The following MAP3K13 variants were observed in gnomAD, a reference collection of about 807,000 sequenced individuals.
The protein encoded by MAP3K13 is leucine zipper-bearing kinase.
Under a neutral mutation model 104.0 loss-of-function variants are expected in MAP3K13, and 52 were observed. The observed-to-expected ratio is 0.50, with a 90% CI of 0.40 to 0.63. The LOEUF is 0.63. Ranked by LOEUF, MAP3K13 falls within the 20% of genes least tolerant of loss-of-function variation. The probability of loss-of-function intolerance (pLI) is 0.00; values close to 1 mark genes in which losing one functional copy is unlikely to be tolerated. For missense variants in MAP3K13, 914 were observed against 1,218.5 expected, an observed-to-expected ratio of 0.75 and a Z score of 3.72; for synonymous variants, 394 against 442.2, an observed-to-expected ratio of 0.89 and a Z score of 1.37.
chr3:185,380,509 C>CAA (rs564011110), intron 1 of MAP3K13, among the ~76,000 whole-genome samples: 6,628 of 85,540 alleles, frequency 0.077, 305 homozygotes, highest in Admixed American at 0.14. Flanking sequence ...GACTCCATCT[C>CAA]AAAAAAAAAA....
Position 185,418,921 on chromosome 3 carries a change from T to G in MAP3K13, c.-85-9576T>G, listed in dbSNP as rs755733477. 34 of 932,424 alleles carry G rather than the reference T, an allele frequency of 3.6e-5. No homozygotes were observed. The highest frequency in any genetic ancestry group is 4.8e-5 in the Non-Finnish European group (31 of 643,152). 57.8% of individuals were successfully genotyped at this position (932,424 alleles called of 1,614,324 possible). A position where few individuals can be genotyped will look rare whatever the true frequency, so the allele number is the denominator to read the frequency against. ...TTTCTAGAATCAAATGTGAATCTCA[T>G]TAGTAGAAAAGGTAAAAACAAAATA... On this transcript the variant is annotated intron_variant, in intron 1 of 13. Coordinates refer to ENST00000265026, the MANE Select transcript of MAP3K13 (RefSeq NM_004721.5). This position sits in a 1 kb window ranked among gnomAD's most constrained non-coding sequence, Gnocchi z 4.5.
intron 1 of MAP3K13, among the ~76,000 whole-genome samples, chr3:185,383,216 T>C (rs918059667): frequency 1.4e-4 from 21 of 151,518 alleles, no homozygotes; most frequent in East Asian, 5.8e-4. Flanking sequence ...GGCTGCATAG[T>C]ATTCCATGGT....
At chr3:185,365,487 G>A (rs1019583450) in intron 1 of MAP3K13, among the ~76,000 whole-genome samples, 2 of 152,118 alleles carry the variant, frequency 1.3e-5, no homozygotes, top group Admixed American at 6.5e-5. Context: ...TGGCAAAACC[G>A]GTCAGTTTGG....
rs112792214 is a variant in MAP3K13 at position 185,402,977 on chromosome 3, C to T, written c.-85-25520C>T. On this transcript the variant is annotated intron_variant, in intron 1 of 13. Transcript: ENST00000265026. Reference sequence around the variant, plus strand: ...GTCCTGAGGTACTAGATATATCTGACGCATGCAAAAGGCAAAACCTCCCTA... The same window carrying T: ...GTCCTGAGGTACTAGATATATCTGATGCATGCAAAAGGCAAAACCTCCCTA... 4.8e-3 allele frequency among the ~76,000 whole-genome samples: 726 copies of T among 152,116 alleles called. 7 individuals are homozygous for T. Among genetic ancestry groups the T allele is most frequent in the African/African-American group, 0.016 (670 of 41,496 alleles).
At position 185,455,866 on chromosome 3, in the gene MAP3K13, A is replaced by ATATAGATGAGATATATAT. The variant is rs1560121109; in HGVS notation, c.1278+4471_1278+4472insTATAGATGAGATATATAT. On this transcript the variant is annotated intron_variant, in intron 7 of 13. Transcript: ENST00000265026. ...ATGAGATATATATGAGATATATATG[A>ATATAGATGAGATATATAT]GATATAGATGAGATATATGATATAG... Among the ~76,000 whole-genome samples the ATATAGATGAGATATATAT allele has an allele frequency of 6.0e-4, 35 of 58,798 alleles. 1 individual carries two copies. Among genetic ancestry groups the ATATAGATGAGATATATAT allele is most frequent in the Admixed American group, 1.2e-3 (6 of 4,828 alleles). The allele number at this position is 58,798 out of a possible 152,430, so 38.6% of individuals were successfully genotyped here.
chr3:185,300,284 G>A (rs1439879008), intron 2 of MAP3K13, among the ~76,000 whole-genome samples: 8 of 146,682 alleles, frequency 5.5e-5, no homozygotes, highest in Non-Finnish European at 7.5e-5. Flanking sequence ...CCGCCTCCCC[G>A]GTTCAAGCTA....
chr3:185,358,202 T>C (rs1250719562), upstream of MAP3K13, among the ~76,000 whole-genome samples: 3 of 152,164 alleles, frequency 2.0e-5, no homozygotes, highest in Non-Finnish European at 4.4e-5. Flanking sequence ...AGCATATGAA[T>C]TTTAAAGTTG....
At position 185,423,002 on chromosome 3, in the gene MAP3K13, C is replaced by CTAGG. The variant is rs761310744; in HGVS notation, c.-85-5494_-85-5491dup. On this transcript the variant is annotated intron_variant, in intron 1 of 13. Coordinates refer to ENST00000265026, the MANE Select transcript of MAP3K13 (RefSeq NM_004721.5). This position sits in a 1 kb window ranked among gnomAD's most constrained non-coding sequence, Gnocchi z 4.1. ...ATTGTGAACTGTGCATGCGAGGGAT[C>CTAGG]TAGGGATCTAGGTTATGTGCCCTTT... is the stretch of plus-strand genomic sequence containing the variant. 4.6e-5 allele frequency among the ~76,000 whole-genome samples: 7 copies of CTAGG among 152,180 alleles called. No individual in the cohort carries two copies. The highest frequency in any genetic ancestry group is 7.2e-5 in the African/African-American group (3 of 41,450).
chr3:185,377,047 G>A (rs1366379062), intron 1 of MAP3K13, among the ~76,000 whole-genome samples: 1 of 152,124 alleles, frequency 6.6e-6, no homozygotes, highest in Non-Finnish European at 1.5e-5. Flanking sequence ...GGGTTGTGGA[G>A]AGGTTGTGGA....
intron 10 of MAP3K13, among the ~76,000 whole-genome samples, chr3:185,468,477 C>T (rs957597866): frequency 1.3e-5 from 2 of 152,142 alleles, no homozygotes; most frequent in African/African-American, 4.8e-5. Flanking sequence ...TCTGTAGAGA[C>T]TCATTCCTCA....
chr3:185,342,883 T>C (rs550940682), intron 2 of MAP3K13, among the ~76,000 whole-genome samples: 134 of 152,360 alleles, frequency 8.8e-4, no homozygotes, highest in Non-Finnish European at 1.4e-3. Flanking sequence ...CTGCGTTCTC[T>C]GGATGCTTAA....
At chr3:185,400,905 G>GTTTT (rs71164506) in intron 1 of MAP3K13, among the ~76,000 whole-genome samples, 156 of 107,206 alleles carry the variant, frequency 1.5e-3, no homozygotes, top group African/African-American at 1.6e-3. Flanking sequence ...GTGTTTGTTT[G>GTTTT]TTTTTTTTTT....
intron 2 of MAP3K13, among the ~76,000 whole-genome samples, chr3:185,305,038 T>A (rs1721245819): frequency 6.6e-6 from 1 of 152,260 alleles, no homozygotes; most frequent in South Asian, 2.1e-4. Context: ...TATACATAGC[T>A]TATAGTTGGG....
chr3:185,424,851 G>T (rs1319836920), intron 1 of MAP3K13, among the ~76,000 whole-genome samples: 1 of 152,036 alleles, frequency 6.6e-6, no homozygotes, highest in African/African-American at 2.4e-5. Flanking sequence ...TTGAGACAGG[G>T]CCTTGCTCTG....
chr3:185,463,879 CAAAG>C (rs1263171235), intron 8 of MAP3K13, among the ~76,000 whole-genome samples: 1 of 152,166 alleles, frequency 6.6e-6, no homozygotes, highest in Admixed American at 6.6e-5. Context: ...GTCTCTGCAA[CAAAG>C]ATTCTTGAAA....
At chr3:185,422,559 C>A (rs1032733012) in intron 1 of MAP3K13, among the ~76,000 whole-genome samples, 2 of 152,150 alleles carry the variant, frequency 1.3e-5, no homozygotes, top group African/African-American at 4.8e-5. Flanking sequence ...TTCTAACTTT[C>A]TGTGTATGAG....
At chr3:185,327,592 A>G (rs1426654796) in intron 2 of MAP3K13, among the ~76,000 whole-genome samples, 5 of 152,176 alleles carry the variant, frequency 3.3e-5, no homozygotes, top group Non-Finnish European at 7.4e-5. Context: ...TATGTAATAA[A>G]TGGTTGCTGC....
intron 7 of MAP3K13, among the ~76,000 whole-genome samples, chr3:185,454,602 G>GATATAT (rs1491450938): frequency 7.7e-5 from 1 of 12,942 alleles, no homozygotes; most frequent in Non-Finnish European, 3.8e-4. Context: ...AGATATATAT[G>GATATAT]AGATATATAT....
intron 2 of MAP3K13, among the ~76,000 whole-genome samples, chr3:185,325,981 G>A (rs920579205): frequency 1.3e-5 from 2 of 152,004 alleles, no homozygotes; most frequent in Admixed American, 6.6e-5. Flanking sequence ...TGGTTCCTTC[G>A]CTTGAAACAC....
Sources: gnomAD v4.1 joint callset for allele counts (sites outside exome capture counted in the v4.1 genomes callset) on GRCh38, gnomAD v4.1.1 for gene constraint, Gnocchi (gnomAD v3.1) non-coding constraint, MANE v1.5 for transcripts, NCBI Gene and HGNC (gene_info 2026-07-23, HGNC 2026-07-21) for gene names.